The following RAPGEF2 variants were observed in gnomAD, a reference collection of about 807,000 sequenced individuals.
The protein encoded by RAPGEF2 is PDZ domain containing guanine nucleotide exchange factor (GEF) 1.
Under a neutral mutation model 186.7 loss-of-function variants are expected in RAPGEF2, and 54 were observed. The observed-to-expected ratio is 0.29, with a 90% CI of 0.23 to 0.36. The LOEUF is 0.36. RAPGEF2 is among the 10% of genes least tolerant of loss of function. The probability of loss-of-function intolerance (pLI) is 1.00; values close to 1 mark genes in which losing one functional copy is unlikely to be tolerated. For synonymous variants in RAPGEF2, 712 were observed against 705.9 expected, an observed-to-expected ratio of 1.01 and a Z score of -0.14; for missense variants, 1,532 against 2,045.0, an observed-to-expected ratio of 0.75 and a Z score of 4.84.
chr4:159,244,518 C>A (rs1023336542), intron 7 of RAPGEF2, among the ~76,000 whole-genome samples: 1 of 151,820 alleles, frequency 6.6e-6, no homozygotes, highest in Non-Finnish European at 1.5e-5. Context: ...ATTATGAGTT[C>A]TTTGAAGATC....
chr4:159,183,051 A>G (rs899426303), intron 1 of RAPGEF2, among the ~76,000 whole-genome samples: 1 of 152,224 alleles, frequency 6.6e-6, no homozygotes, highest in African/African-American at 2.4e-5. Context: ...GCTTATTTGC[A>G]TATACCGACA....
chr4:159,231,194 G>A (rs1752597865), intron 4 of RAPGEF2, among the ~76,000 whole-genome samples: 1 of 152,070 alleles, frequency 6.6e-6, no homozygotes, highest in Non-Finnish European at 1.5e-5. Context: ...TTGTAGCCTA[G>A]GAGCAATAGG....
At chr4:159,257,024 T>A (rs1756255314) in intron 7 of RAPGEF2, among the ~76,000 whole-genome samples, 1 of 152,236 alleles carries the variant, frequency 6.6e-6, no homozygotes, top group African/African-American at 2.4e-5. Flanking sequence ...TCTTTTGCTG[T>A]GCAGAGGCTC....
At chr4:159,184,697 A>G (rs1036696043) in intron 1 of RAPGEF2, among the ~76,000 whole-genome samples, 17 of 151,942 alleles carry the variant, frequency 1.1e-4, no homozygotes, top group South Asian at 4.1e-4. Context: ...TAGGTTGCCT[A>G]TTTACTCTGA....
rs372251051 is a variant in RAPGEF2, at chr4:159,241,072, T to C, written c.358-129T>C. ...AGTTCAGAGACACTTGAAGTTTGTC[T>C]AGATAGTTTTCTACAGATGTCTTTG... On this transcript the variant is annotated intron_variant, in intron 5 of 29. Coordinates refer to ENST00000691494, the MANE Select transcript of RAPGEF2 (RefSeq NM_001394067.2). 8.1e-3 allele frequency: 5,634 copies of C among 696,536 alleles called. 35 individuals carry two copies. Among genetic ancestry groups the C allele is most frequent in the Non-Finnish European group, 0.011 (5,005 of 474,018 alleles). The allele number at this position is 696,536 out of a possible 1,614,324, so 43.1% of individuals were successfully genotyped here.
At chr4:159,114,585 T>A (rs749991092) in intron 1 of RAPGEF2, among the ~76,000 whole-genome samples, 1 of 152,224 alleles carries the variant, frequency 6.6e-6, no homozygotes, top group Non-Finnish European at 1.5e-5. Context: ...ATTTTGTTGA[T>A]ATTCCCAAGA....
At chr4:159,354,153 C>A in intron 28 of RAPGEF2, 107 bp downstream of exon 28, 1 of 1,208,836 alleles carries the variant, frequency 8.3e-7, no homozygotes, top group South Asian at 1.7e-5. Flanking sequence ...TCATTTTCTC[C>A]ATTGCTATGT....
intron 7 of RAPGEF2, among the ~76,000 whole-genome samples, chr4:159,288,672 T>C (rs187542833): frequency 6.6e-6 from 1 of 152,226 alleles, no homozygotes; most frequent in Non-Finnish European, 1.5e-5. Context: ...CTGACCCCAT[T>C]TGTACCACTC....
intron 1 of RAPGEF2, among the ~76,000 whole-genome samples, chr4:159,139,526 CAT>C (rs1186374500): frequency 2.0e-5 from 3 of 151,520 alleles, no homozygotes; most frequent in African/African-American, 7.3e-5. Flanking sequence ...CTTTACCTGT[CAT>C]ATATACAGCA....
intron 5 of RAPGEF2, among the ~76,000 whole-genome samples, chr4:159,240,838 G>A (rs756637912): frequency 2.4e-5 from 3 of 126,042 alleles, no homozygotes; most frequent in East Asian, 2.2e-4. Flanking sequence ...TTTTTTCTAC[G>A]TTGCTTAAGA....
rs558416824 is a variant in RAPGEF2, at chr4:159,112,472, A to T, written c.69+8241A>T. Among the ~76,000 whole-genome samples, 44 of 152,318 alleles carry T rather than the reference A, an allele frequency of 2.9e-4. No individual in the cohort carries two copies. In the South Asian group the frequency reaches 7.7e-3, roughly 27 times the overall value. On this transcript the variant is annotated intron_variant, in intron 1 of 29. Transcript: ENST00000691494. ...AAAAATAAAATCAGAAGGAAGTCTAATGACTGTATATACAAAAGGGAGTCC... is the reference window on the plus strand; with the variant it reads ...AAAAATAAAATCAGAAGGAAGTCTATTGACTGTATATACAAAAGGGAGTCC...
At chr4:159,316,100 C>A (rs1480722809) in intron 9 of RAPGEF2, among the ~76,000 whole-genome samples, 1 of 152,184 alleles carries the variant, frequency 6.6e-6, no homozygotes, top group East Asian at 1.9e-4. Context: ...CAGATGCTGA[C>A]GTTACTGCTA....
chr4:159,238,993 T>C lies in RAPGEF2; in HGVS notation c.357+109T>C, dbSNP rs540923943. On this transcript the variant is annotated intron_variant, in intron 5 of 29. Coordinates refer to ENST00000691494, the MANE Select transcript of RAPGEF2 (RefSeq NM_001394067.2). ...GATTTTTGTTGAATAGAAAATATTG[T>C]ATATTTTCTATAACAGATATATTTA... 9.4e-6 allele frequency: 5 copies of C among 533,458 alleles called. No individual in the cohort carries two copies. The African/African-American group carries it at 9.8e-5, about 10-fold the overall frequency. The allele number at this position is 533,458 out of a possible 1,614,324, so 33.0% of individuals were successfully genotyped here.
chr4:159,351,273 C>T (rs1235930192), intron 26 of RAPGEF2: 19 of 1,339,228 alleles, frequency 1.4e-5, no homozygotes, highest in East Asian at 5.1e-5. Flanking sequence ...ATGTCAAGTG[C>T]TCCATCTGAG....
rs1732543454 is a variant in RAPGEF2, at chr4:159,359,952, G to A, written c.*1813G>A. Reference sequence around the variant, plus strand: ...AGTGCAGAATGTACAATTAACTGGTGATTTCCTCATACTTTTGATACTACT... The same window carrying A: ...AGTGCAGAATGTACAATTAACTGGTAATTTCCTCATACTTTTGATACTACT... On this transcript the variant is annotated 3_prime_UTR_variant, in exon 30 of 30. Transcript: ENST00000691494. 1 of 152,162 alleles carries A rather than the reference G, an allele frequency of 6.6e-6. No individual in the cohort carries two copies. Among genetic ancestry groups the A allele is most frequent in the Admixed American group, 6.5e-5 (1 of 15,280 alleles). The allele number at this position is 152,162 out of a possible 1,614,324, so 9.4% of individuals were successfully genotyped here. A position where few individuals can be genotyped will look rare whatever the true frequency, so the allele number is the denominator to read the frequency against.
intron 4 of RAPGEF2, among the ~76,000 whole-genome samples, chr4:159,218,424 C>T (rs144759868): frequency 8.5e-5 from 13 of 152,276 alleles, no homozygotes; most frequent in Non-Finnish European, 1.8e-4. Flanking sequence ...TGAGGCAATA[C>T]GTAAGCTTTT....
chr4:159,316,408 T>C (rs1290672108), intron 9 of RAPGEF2, among the ~76,000 whole-genome samples: 2 of 152,198 alleles, frequency 1.3e-5, no homozygotes, highest in Admixed American at 6.5e-5. Context: ...CCTCGGCACC[T>C]GGGTGGCTTG....
At chr4:159,152,925 T>C (rs146640398) in intron 1 of RAPGEF2, among the ~76,000 whole-genome samples, 357 of 152,354 alleles carry the variant, frequency 2.3e-3, no homozygotes, top group African/African-American at 8.2e-3. Context: ...CTAAGTGTTA[T>C]ATATTTTAAA....
intron 1 of RAPGEF2, among the ~76,000 whole-genome samples, chr4:159,185,841 A>G (rs1013206331): frequency 2.0e-5 from 3 of 152,180 alleles, no homozygotes; most frequent in African/African-American, 7.2e-5. Context: ...ACACTTTGAA[A>G]AGGAGAGGAT....
Sources: gnomAD v4.1 joint callset for allele counts (sites outside exome capture counted in the v4.1 genomes callset) on GRCh38, gnomAD v4.1.1 for gene constraint, MANE v1.5 for transcripts, NCBI Gene and HGNC (gene_info 2026-07-23, HGNC 2026-07-21) for gene names.